MMEL1: variants seen among roughly 807,000 people sequenced by gnomAD.
MMEL1 encodes the protein membrane metallo-endopeptidase-like 1.
In MMEL1, 98 loss-of-function variants were observed where a neutral mutation model predicts 117.1. That is an observed-to-expected ratio of 0.84 (90% confidence interval 0.71 to 0.99). MMEL1 has a LOEUF of 0.99. MMEL1 is among the 50% of genes least tolerant of loss of function. The pLI is 0.00. For missense variants in MMEL1, 1,014 were observed against 1,049.1 expected, an observed-to-expected ratio of 0.97 and a Z score of 0.46; for synonymous variants, 390 against 415.1, an observed-to-expected ratio of 0.94 and a Z score of 0.74.
At position 2,598,274 on chromosome 1, in the gene MMEL1, C is replaced by T. The variant is rs766629664; in HGVS notation, c.1205G>A (p.Arg402His). The T allele has an allele frequency of 3.4e-5, 55 of 1,613,954 alleles. No individual in the cohort carries two copies. The highest frequency in any genetic ancestry group is 2.3e-4 in the Admixed American group (14 of 60,002). ...ARTIQNYLVWRLVLDRIGSLS... is the reference protein window; with the variant it reads ...ARTIQNYLVWHLVLDRIGSLS... ...GCTACCAATGCGGTCCAGCACCAGG[C>T]GCCAGACCAGGTAGTTCTGTATGGT... The change falls in exon 13 of 24, where the codon CGC (arginine) becomes CAC (histidine). Residue 402 changes from arginine to histidine, a missense_variant. Arg to His is a conservative substitution (Grantham distance 29). Coordinates refer to ENST00000378412, the MANE Select transcript of MMEL1 (RefSeq NM_033467.4).
chr1:2,596,570 G>T lies in MMEL1; in HGVS notation c.1392C>A (p.Ser464Arg). ...GATGAGGGGCGCCCACCATGCTCTT[G>T]CTGTCTCCAGGGAACGCCTCCCTGA... Reference protein sequence around the residue: ...LYVREAFPGDSKSMVRELIDK... With the variant: ...LYVREAFPGDRKSMVRELIDK... The change falls in exon 14 of 24, where the codon AGC becomes AGA. Residue 464 changes from serine to arginine, a missense_variant. By Grantham distance (110) the Ser-to-Arg change is moderately radical. Coordinates refer to ENST00000378412, the MANE Select transcript of MMEL1 (RefSeq NM_033467.4). 1.9e-6 allele frequency: 3 copies of T among 1,610,538 alleles called. No homozygotes were observed. The highest frequency in any genetic ancestry group is 2.5e-6 in the Non-Finnish European group (3 of 1,179,746).
chr1:2,609,944 C>T (rs1040965503), intron 4 of MMEL1, 113 bp from the exon 5 acceptor site: 8 of 1,204,594 alleles, frequency 6.6e-6, no homozygotes, highest in Non-Finnish European at 9.2e-6. Flanking sequence ...GAAGGGGCTG[C>T]TGTCCATCCA....
intron 21 of MMEL1, among the ~76,000 whole-genome samples, 197 bp from the exon 22 acceptor site, chr1:2,592,224 G>A (rs542059602): frequency 1.3e-5 from 2 of 151,334 alleles, no homozygotes; most frequent in Non-Finnish European, 3.0e-5. Flanking sequence ...GGGCCCTCGG[G>A]GGGGGATCCC....
chr1:2,621,822 G>A lies in MMEL1; in HGVS notation c.154+7509C>T, dbSNP rs138887206. 1.8e-3 allele frequency among the ~76,000 whole-genome samples: 274 copies of A among 152,122 alleles called. 1 individual carries two copies. The highest frequency in any genetic ancestry group is 1.4e-3 in the Non-Finnish European group (96 of 67,992). ...GGTGATCCACCTACCTTGGCCTCCCGAAGTGCTGGGATTACAGGTGTGAGC... is the reference window on the plus strand; with the variant it reads ...GGTGATCCACCTACCTTGGCCTCCCAAAGTGCTGGGATTACAGGTGTGAGC... On this transcript the variant is annotated intron_variant, in intron 2 of 23. Coordinates refer to ENST00000378412, the MANE Select transcript of MMEL1 (RefSeq NM_033467.4).
At position 2,595,545 on chromosome 1, in the gene MMEL1, G is replaced by C. The variant is rs997277195; in HGVS notation, c.1501-186C>G. On this transcript the variant is annotated intron_variant, in intron 15 of 23. Coordinates refer to ENST00000378412, the MANE Select transcript of MMEL1 (RefSeq NM_033467.4). This position sits in a 1 kb window ranked among gnomAD's most constrained non-coding sequence, Gnocchi z 4.8. ...GCCCCCACCTTGCAGGCTCTGGGGA[G>C]GTTTAATGGGGACAGAATATGGAAG... 6.6e-6 allele frequency among the ~76,000 whole-genome samples: 1 copy of C among 152,158 alleles called. No individual in the cohort carries two copies. The highest frequency in any genetic ancestry group is 2.4e-5 in the African/African-American group (1 of 41,430).
intron 6 of MMEL1, 118 bp downstream of exon 6, chr1:2,609,220 TA>T: frequency 1.0e-6 from 1 of 976,004 alleles, no homozygotes; most frequent in Non-Finnish European, 1.6e-6. Context: ...GCATGAGTCC[TA>T]AAGGCACCCA....
At chr1:2,631,484 C>G (rs998261453) in intron 1 of MMEL1, among the ~76,000 whole-genome samples, 2 of 152,042 alleles carry the variant, frequency 1.3e-5, no homozygotes, top group East Asian at 3.9e-4. Context: ...GGGCAACACC[C>G]TGCAAAGGTG....
At chr1:2,591,242 A>G (rs1221339831) in intron 23 of MMEL1, 153 bp from the exon 24 acceptor site, 6 of 607,142 alleles carry the variant, frequency 9.9e-6, no homozygotes, top group Non-Finnish European at 1.4e-5. Flanking sequence ...ATAAACCCCC[A>G]TCTGACCAGA....
intron 2 of MMEL1, among the ~76,000 whole-genome samples, chr1:2,628,862 A>C (rs974738415): frequency 2.6e-5 from 4 of 151,048 alleles, no homozygotes; most frequent in Non-Finnish European, 4.4e-5. Context: ...CAGGACCCTC[A>C]GGTCTCTCCG....
At chr1:2,600,203 G>A (rs1054323356) in intron 11 of MMEL1, among the ~76,000 whole-genome samples, 4 of 152,028 alleles carry the variant, frequency 2.6e-5, no homozygotes, top group African/African-American at 9.7e-5. Context: ...CCTGACCTCA[G>A]GTGATCCACC....
chr1:2,620,888 C>A (rs932971110), intron 2 of MMEL1, among the ~76,000 whole-genome samples: 4 of 151,922 alleles, frequency 2.6e-5, no homozygotes, highest in Non-Finnish European at 5.9e-5. Flanking sequence ...CCAAAGTTAA[C>A]CTGAAAAACG....
Position 2,598,642 on chromosome 1 carries a change from C to T in MMEL1, c.1178+12G>A, listed in dbSNP as rs752133359. On this transcript the variant is annotated intron_variant, in intron 12 of 23. Transcript: ENST00000378412. ...GATGCTGAGGCCTTTGGAGACCCTC[C>T]CTGGGCCTCACCTGGCTGAGTAGGT... The T allele has an allele frequency of 1.2e-6, 2 of 1,613,682 alleles. No individual in the cohort carries two copies. The highest frequency in any genetic ancestry group is 1.1e-5 in the South Asian group (1 of 91,074).
At chr1:2,610,724 A>AC (rs141463268) in intron 4 of MMEL1, among the ~76,000 whole-genome samples, 3,552 of 152,154 alleles carry the variant, frequency 0.023, 152 homozygotes, top group African/African-American at 0.081. Flanking sequence ...GCTGGGCTGC[A>AC]CCCCCCGACC....
At chr1:2,603,858 C>G (rs540280148) in intron 11 of MMEL1, 26 bp downstream of exon 11, 5 of 1,607,890 alleles carry the variant, frequency 3.1e-6, no homozygotes, top group Non-Finnish European at 4.3e-6. Context: ...CGGCCAGTGC[C>G]GGCCTCCTGT....
chr1:2,593,163 C>T (rs1188773910), intron 19 of MMEL1, among the ~76,000 whole-genome samples, 197 bp from the exon 20 acceptor site: 3 of 152,190 alleles, frequency 2.0e-5, no homozygotes, highest in Admixed American at 2.0e-4. Context: ...TACACAGCCC[C>T]CAGAGAAGGA....
chr1:2,613,888 C>A (rs1645166089), intron 2 of MMEL1, among the ~76,000 whole-genome samples: 1 of 152,196 alleles, frequency 6.6e-6, no homozygotes, highest in Non-Finnish European at 1.5e-5. Context: ...AAACAAAAAA[C>A]TATGAGCTAC....
At chr1:2,600,692 AC>A in intron 11 of MMEL1, among the ~76,000 whole-genome samples, 1 of 29,038 alleles carries the variant, frequency 3.4e-5, no homozygotes, top group South Asian at 7.9e-4. Context: ...TCTCAAACAA[AC>A]AAACAAACAA....
At chr1:2,630,779 T>C (rs919961376) in intron 1 of MMEL1, among the ~76,000 whole-genome samples, 14 of 129,868 alleles carry the variant, frequency 1.1e-4, no homozygotes, top group African/African-American at 3.7e-4. Flanking sequence ...GATATGCACG[T>C]GTGTGCCTGA....
Position 2,607,004 on chromosome 1 carries a change from C to A in MMEL1, c.601G>T (p.Val201Leu). 1 of 1,613,410 alleles carries A rather than the reference C, an allele frequency of 6.2e-7. No individual in the cohort carries two copies. Among genetic ancestry groups the A allele is most frequent in the South Asian group, 1.1e-5 (1 of 91,092 alleles). The change falls in exon 7 of 24, where the codon GTG becomes TTG. Residue 201 changes from valine to leucine, a missense_variant. Val to Leu is a conservative substitution (Grantham distance 32, BLOSUM62 1). Coordinates refer to ENST00000378412, the MANE Select transcript of MMEL1 (RefSeq NM_033467.4). ...DILEVVGGWP[V>L]AMDRWNETVG... is the part of the protein sequence containing the mutation. ...GTCTCGTTCCACCTGTCCATCGCCA[C>A]CGGCCAGCCTCCCACCACCTCCAAG...
Sources: allele counts gnomAD v4.1 joint callset (sites outside exome capture counted in the v4.1 genomes callset), GRCh38; gene constraint gnomAD v4.1.1; non-coding constraint Gnocchi (gnomAD v3.1); transcripts MANE v1.5; gene names NCBI Gene and HGNC (gene_info 2026-07-23, HGNC 2026-07-21).